The following DPP10 variants were observed in gnomAD, a reference collection of about 807,000 sequenced individuals.
The protein encoded by DPP10 is inactive dipeptidyl peptidase 10.
DPP10 carries 33 observed loss-of-function variants against 120.9 expected under a neutral mutation model. The ratio of observed to expected loss-of-function variants is 0.27; its 90% CI spans 0.21 to 0.37. The LOEUF (loss-of-function observed/expected upper bound fraction) is 0.37. DPP10 is among the 10% of genes least tolerant of loss of function. The probability of loss-of-function intolerance (pLI) is 1.00; values close to 1 mark genes in which losing one functional copy is unlikely to be tolerated. For missense variants in DPP10, 816 were observed against 942.8 expected (o/e 0.87, Z 1.76); for synonymous variants, 337 against 326.1 (o/e 1.03, Z -0.36).
At chr2:114,758,572 GA>G (rs1680001632) in intron 1 of DPP10, among the ~76,000 whole-genome samples, 1 of 152,118 alleles carries the variant, frequency 6.6e-6, no homozygotes, top group Non-Finnish European at 1.5e-5. Flanking sequence ...GTATTAATCT[GA>G]GATAGCTTTT....
intron 2 of DPP10, among the ~76,000 whole-genome samples, chr2:115,324,837 T>C (rs2062260956): frequency 6.6e-6 from 1 of 152,170 alleles, no homozygotes; most frequent in South Asian, 2.1e-4. Context: ...GACAGACATT[T>C]GACTCTTCCT....
intron 1 of DPP10, among the ~76,000 whole-genome samples, chr2:115,012,840 A>G (rs1442761096): frequency 6.6e-6 from 1 of 152,230 alleles, no homozygotes; most frequent in Non-Finnish European, 1.5e-5. Context: ...AATTGCCAGA[A>G]AAAGAATTCA....
chr2:115,048,062 A>G (rs1053425779), intron 1 of DPP10, among the ~76,000 whole-genome samples: 1 of 152,078 alleles, frequency 6.6e-6, no homozygotes, highest in African/African-American at 2.4e-5. Context: ...CCTTGACCAC[A>G]TTGTAAAGTC....
At chr2:115,666,747 A>G (rs2089488494) in intron 5 of DPP10, among the ~76,000 whole-genome samples, 1 of 152,136 alleles carries the variant, frequency 6.6e-6, no homozygotes, top group South Asian at 2.1e-4. Context: ...ATGGTTGAAC[A>G]ATTTATAATC....
intron 21 of DPP10, among the ~76,000 whole-genome samples, chr2:115,826,135 G>A (rs1575909058): frequency 6.6e-6 from 1 of 152,162 alleles, no homozygotes. Context: ...TCTTACTCCT[G>A]CTTTCTAGGA....
chr2:114,854,147 G>C (rs1689187718), intron 1 of DPP10, among the ~76,000 whole-genome samples: 1 of 152,184 alleles, frequency 6.6e-6, no homozygotes, highest in Admixed American at 6.5e-5. Context: ...ATCACACATA[G>C]AGTCATACTT....
intron 2 of DPP10, 88 bp downstream of exon 2, chr2:115,309,441 G>A: frequency 2.4e-6 from 3 of 1,249,712 alleles, no homozygotes; most frequent in South Asian, 1.3e-5. Flanking sequence ...AGCAATATGT[G>A]GTATCTTAGG....
chr2:115,570,517 G>C (rs890604112), intron 5 of DPP10, among the ~76,000 whole-genome samples: 3 of 152,164 alleles, frequency 2.0e-5, no homozygotes, highest in African/African-American at 7.2e-5. Context: ...CATGTTTTGT[G>C]TGAAGTTTGG....
chr2:115,027,014 G>A (rs908403535), intron 1 of DPP10, among the ~76,000 whole-genome samples: 15 of 151,764 alleles, frequency 9.9e-5, no homozygotes, highest in African/African-American at 1.5e-4. Context: ...TGTTTTAAAC[G>A]TTTCCTTGTA....
chr2:114,702,147 G>T (rs775544778), intron 1 of DPP10, among the ~76,000 whole-genome samples: 1 of 152,066 alleles, frequency 6.6e-6, no homozygotes, highest in Non-Finnish European at 1.5e-5. Context: ...GGAAGGTGGG[G>T]CCATGTATTG....
intron 1 of DPP10, among the ~76,000 whole-genome samples, chr2:114,604,671 A>G (rs1301734357): frequency 6.6e-6 from 1 of 152,116 alleles, no homozygotes; most frequent in Non-Finnish European, 1.5e-5. Context: ...TGCTTTTTGC[A>G]AATACAGCAG....
At chr2:114,561,175 G>C (rs141233833) in intron 1 of DPP10, among the ~76,000 whole-genome samples, 2 of 152,182 alleles carry the variant, frequency 1.3e-5, no homozygotes, top group African/African-American at 4.8e-5. Context: ...GCCCTCATCC[G>C]CAATCCACAT....
intron 5 of DPP10, among the ~76,000 whole-genome samples, chr2:115,620,829 A>T (rs922760624): frequency 3.3e-5 from 5 of 152,228 alleles, no homozygotes. Context: ...GAAGTTAGAT[A>T]ACTTTTTGAG....
rs140786123 is a variant in DPP10, at chr2:114,854,752, C to A, written c.60+411914C>A. ...AGAATAGAATTAGGTACTGGCTAAC[C>A]CATGGGGCATCAGTGGCACTTTCAT... On this transcript the variant is annotated intron_variant, in intron 1 of 25. Transcript: ENST00000410059. Among the ~76,000 whole-genome samples the A allele has an allele frequency of 3.6e-3, 546 of 152,190 alleles. 1 individual carries two copies. Among genetic ancestry groups the A allele is most frequent in the African/African-American group, 0.013 (526 of 41,526 alleles).
intron 4 of DPP10, among the ~76,000 whole-genome samples, chr2:115,519,811 C>T (rs1193929763): frequency 1.3e-5 from 2 of 152,120 alleles, no homozygotes; most frequent in African/African-American, 4.8e-5. Flanking sequence ...GGTCCACTGG[C>T]TTTCTAAAAT....
intron 1 of DPP10, among the ~76,000 whole-genome samples, chr2:114,722,106 A>T (rs1701737646): frequency 6.6e-6 from 1 of 152,208 alleles, no homozygotes; most frequent in Non-Finnish European, 1.5e-5. Context: ...GATGTTACTG[A>T]CCAAAGGGAA....
At chr2:115,810,587 G>A (rs1686531710) in intron 19 of DPP10, among the ~76,000 whole-genome samples, 1 of 152,112 alleles carries the variant, frequency 6.6e-6, no homozygotes, top group African/African-American at 2.4e-5. Context: ...AAAGAGATGA[G>A]GATTCTGCCC....
At position 114,964,855 on chromosome 2, in the gene DPP10, C is replaced by T. The variant is rs139739307; in HGVS notation, c.61-344384C>T. ...AAGAGAACCGATGGTTAAAACTGGGCTCCTGTTAAGAAATATACTGAAAGA... is the reference window on the plus strand; with the variant it reads ...AAGAGAACCGATGGTTAAAACTGGGTTCCTGTTAAGAAATATACTGAAAGA... On this transcript the variant is annotated intron_variant, in intron 1 of 25. Coordinates refer to ENST00000410059, the MANE Select transcript of DPP10 (RefSeq NM_020868.6). Among the ~76,000 whole-genome samples, 57 of 152,212 alleles carry T rather than the reference C, an allele frequency of 3.7e-4. 1 individual carries two copies. In the East Asian group the frequency reaches 0.01, roughly 27 times the overall value.
chr2:114,678,527 T>G (rs535609960), intron 1 of DPP10, among the ~76,000 whole-genome samples: 1 of 152,204 alleles, frequency 6.6e-6, no homozygotes, highest in South Asian at 2.1e-4. Context: ...GTCTTGTCTC[T>G]TTTTATTCTC....
Sources: allele counts gnomAD v4.1 joint callset (sites outside exome capture counted in the v4.1 genomes callset), GRCh38; gene constraint gnomAD v4.1.1; transcripts MANE v1.5; gene names NCBI Gene and HGNC (gene_info 2026-07-23, HGNC 2026-07-21).